TRAPPC10: variants seen among roughly 807,000 people sequenced by gnomAD.
TRAPPC10 encodes TRAPP 130 kDa subunit.
In TRAPPC10, 23 loss-of-function variants were observed where a neutral mutation model predicts 125.5. That is an observed-to-expected ratio of 0.18 (90% CI 0.13 to 0.26). The LOEUF (loss-of-function observed/expected upper bound fraction) is 0.26, where lower values mean the gene tolerates loss of function less well. Ranked by LOEUF, TRAPPC10 falls within the 10% of genes least tolerant of loss-of-function variation. The probability of loss-of-function intolerance (pLI) is 1.00; values close to 1 mark genes in which losing one functional copy is unlikely to be tolerated. For missense variants in TRAPPC10, 1,123 were observed against 1,308.4 expected, an observed-to-expected ratio of 0.86 and a Z score of 2.19; for synonymous variants, 509 against 518.0, an observed-to-expected ratio of 0.98 and a Z score of 0.24.
At chr21:44,056,888 C>T (rs1244331048) in intron 5 of TRAPPC10, among the ~76,000 whole-genome samples, 7 of 151,954 alleles carry the variant, frequency 4.6e-5, no homozygotes, top group Admixed American at 6.6e-5. Flanking sequence ...AATTGTACCA[C>T]GGTCATATAA....
chr21:44,040,108 T>C (rs1199719398), intron 3 of TRAPPC10, among the ~76,000 whole-genome samples: 1 of 152,212 alleles, frequency 6.6e-6, no homozygotes, highest in East Asian at 1.9e-4. Context: ...GTATGTATCA[T>C]AGTGTTTATT....
chr21:44,062,951 G>A, intron 6 of TRAPPC10: 1 of 1,294,386 alleles, frequency 7.7e-7, no homozygotes, highest in Non-Finnish European at 1.0e-6. Flanking sequence ...GAGTCTTAGG[G>A]ATGTAAGTAA....
chr21:44,061,839 A>G (rs2036081179), intron 6 of TRAPPC10, among the ~76,000 whole-genome samples: 2 of 152,348 alleles, frequency 1.3e-5, no homozygotes, highest in South Asian at 4.1e-4. Flanking sequence ...GACCAGGTTA[A>G]CAACCTTGAG....
At chr21:44,093,686 AGGT>A (rs2038737702) in intron 19 of TRAPPC10, among the ~76,000 whole-genome samples, 1 of 151,186 alleles carries the variant, frequency 6.6e-6, no homozygotes, top group Admixed American at 6.6e-5. Flanking sequence ...TGAACCCAGG[AGGT>A]GGAGGTTGCA....
intron 11 of TRAPPC10, among the ~76,000 whole-genome samples, chr21:44,079,233 A>C (rs1487732244): frequency 1.3e-5 from 2 of 152,072 alleles, no homozygotes; most frequent in Non-Finnish European, 2.9e-5. Flanking sequence ...CTTGCCTGTC[A>C]GCTTGAGATC....
chr21:44,068,403 G>C (rs544042244), intron 7 of TRAPPC10, among the ~76,000 whole-genome samples: 1 of 152,098 alleles, frequency 6.6e-6, no homozygotes, highest in East Asian at 1.9e-4. Flanking sequence ...GGCAGGCTTT[G>C]GGGGCAATGA....
chr21:44,055,655 G>A, intron 4 of TRAPPC10, 43 bp from the exon 5 acceptor site: 2 of 1,508,862 alleles, frequency 1.3e-6, no homozygotes, highest in East Asian at 4.6e-5. Context: ...GTGGTGCTGT[G>A]CATGGAGGGT....
At position 44,087,969 on chromosome 21, in the gene TRAPPC10, C is replaced by T. The variant is rs368967549; in HGVS notation, c.2769+41C>T. 4.1e-5 allele frequency: 63 copies of T among 1,529,308 alleles called. No homozygotes were observed. The highest frequency in any genetic ancestry group is 4.0e-4 in the African/African-American group (29 of 72,512). The allele number at this position is 1,529,308 out of a possible 1,614,324, so 94.7% of individuals were successfully genotyped here. A position where few individuals can be genotyped will look rare whatever the true frequency, so the allele number is the denominator to read the frequency against. On this transcript the variant is annotated intron_variant, in intron 17 of 22. Transcript: ENST00000291574. This position sits in a 1 kb window ranked among gnomAD's most constrained non-coding sequence, Gnocchi z 4.6. ...GGAGGAGCTTAGCTTGTGGGGCGTC[C>T]GCCGCCCGCCTGCCTGCTGGGAAAG...
At chr21:44,073,907 G>A (rs2037075384) in intron 7 of TRAPPC10, among the ~76,000 whole-genome samples, 1 of 151,964 alleles carries the variant, frequency 6.6e-6, no homozygotes, top group Non-Finnish European at 1.5e-5. Flanking sequence ...CTCCCCTCTT[G>A]ACACTAATCT....
At chr21:44,017,992 T>C (rs2032063098) in intron 1 of TRAPPC10, among the ~76,000 whole-genome samples, 1 of 152,176 alleles carries the variant, frequency 6.6e-6, no homozygotes, top group South Asian at 2.1e-4. Flanking sequence ...GTTAGTGTTA[T>C]TAGCCCAACT....
At chr21:44,083,882 A>C (rs566956511) in intron 14 of TRAPPC10, among the ~76,000 whole-genome samples, 1 of 152,370 alleles carries the variant, frequency 6.6e-6, no homozygotes, top group African/African-American at 2.4e-5. Context: ...AGATAAGTTG[A>C]AAATACCTTA....
chr21:44,079,681 A>G lies in TRAPPC10; in HGVS notation c.1587A>G (p.Gln529=). The G allele has an allele frequency of 3.1e-6, 5 of 1,607,652 alleles. No individual in the cohort carries two copies. Among genetic ancestry groups the G allele is most frequent in the Non-Finnish European group, 4.2e-6 (5 of 1,178,400 alleles). Residue 529 remains glutamine, a synonymous_variant, in exon 12 of 23, where the codon CAA becomes CAG. Transcript: ENST00000291574. ...CAAGGAAGCAGCTGGCCGAATGTCAAAAGCACCTTGGACAAATTGAAAAGT... is the reference window on the plus strand; with the variant it reads ...CAAGGAAGCAGCTGGCCGAATGTCAGAAGCACCTTGGACAAATTGAAAAGT... The part of the protein sequence containing the change: ...THTRKQLAEC[Q]KHLGQIENYL...
intron 17 of TRAPPC10, 178 bp from the exon 18 acceptor site, chr21:44,089,655 T>C (rs1422664727): frequency 2.6e-5 from 16 of 626,194 alleles, no homozygotes; most frequent in Non-Finnish European, 4.8e-5. Context: ...GCTTCCTGTT[T>C]CTCGTTGGTT....
In TRAPPC10 at chr21:44,094,139, G is replaced by A. The variant is rs2146223794; in HGVS notation, c.3074G>A (p.Cys1025Tyr). 1 of 1,614,160 alleles carries A rather than the reference G, an allele frequency of 6.2e-7. No homozygotes were observed. Among genetic ancestry groups the A allele is most frequent in the Non-Finnish European group, 8.5e-7 (1 of 1,180,008 alleles). The change falls in exon 20 of 23, where the codon TGC becomes TAC. Residue 1025 changes from cysteine to tyrosine, a missense_variant. By Grantham distance (194) the Cys-to-Tyr change is radical (BLOSUM62 -2). This residue lies in a region of TRAPPC10 where 840 missense variants were observed against 902.0 expected (regional missense o/e 0.93). Transcript: ENST00000291574. ...WTEEPPPSLH[C>Y]RFSVGFSPAS... ...GAAGAGCCTCCCCCTTCTCTGCATT[G>A]CCGGTTCTCTGTTGGATTTTCCCCA... is the stretch of plus-strand genomic sequence containing the variant.
chr21:44,012,521 C>T lies in TRAPPC10; in HGVS notation c.28C>T (p.Pro10Ser). MDASEEPLP[P>S]VIYTMENKPI... ...GGACGCCTCTGAGGAGCCGCTGCCGCCGGTGATCTACACCATGGAGAACAA... is the reference window on the plus strand; with the variant it reads ...GGACGCCTCTGAGGAGCCGCTGCCGTCGGTGATCTACACCATGGAGAACAA... Residue 10 changes from proline to serine, a missense_variant, in exon 1 of 23, where the codon CCG (proline) becomes TCG (serine). Around this residue, in one of 4 missense-constraint regions of TRAPPC10, gnomAD observed 177 missense variants for 228.9 expected, o/e 0.77. Transcript: ENST00000291574. 6.6e-7 allele frequency: 1 copy of T among 1,515,490 alleles called. No homozygotes were observed. 93.9% of individuals were successfully genotyped at this position (1,515,490 alleles called of 1,614,324 possible).
chr21:44,079,404 T>G lies in TRAPPC10; in HGVS notation c.1470-160T>G, dbSNP rs546472310. The G allele has an allele frequency of 2.7e-5, 19 of 694,160 alleles. No individual in the cohort carries two copies. In the South Asian group the frequency reaches 4.4e-4, roughly 16 times the overall value. 43.0% of individuals were successfully genotyped at this position (694,160 alleles called of 1,614,324 possible). On this transcript the variant is annotated intron_variant, in intron 11 of 22. Transcript: ENST00000291574. Reference sequence around the variant, plus strand: ...ATTATGTCGTCCTGAGTAGGTACTCTTTCTCACGGAGTGGGGTGGGTGGAA... The same window carrying G: ...ATTATGTCGTCCTGAGTAGGTACTCGTTCTCACGGAGTGGGGTGGGTGGAA...
At chr21:44,068,818 T>C (rs2036645084) in intron 7 of TRAPPC10, among the ~76,000 whole-genome samples, 1 of 152,058 alleles carries the variant, frequency 6.6e-6, no homozygotes, top group Non-Finnish European at 1.5e-5. Flanking sequence ...CCCAGGCTGG[T>C]CTTGAACTCC....
rs769989912 is a variant in TRAPPC10, at chr21:44,063,763, T to A, written c.1016T>A (p.Val339Glu). 2.5e-6 allele frequency: 4 copies of A among 1,613,820 alleles called. No homozygotes were observed. Among genetic ancestry groups the A allele is most frequent in the Non-Finnish European group, 3.4e-6 (4 of 1,179,958 alleles). The change falls in exon 7 of 23, where the codon GTG (valine) becomes GAG (glutamate). Residue 339 changes from valine (V) to glutamate (E), a missense_variant. By Grantham distance (121) the Val-to-Glu change is moderately radical. Around this residue, in one of 4 missense-constraint regions of TRAPPC10, gnomAD observed 840 missense variants for 902.0 expected, o/e 0.93. Coordinates refer to ENST00000291574, the MANE Select transcript of TRAPPC10 (RefSeq NM_003274.5). The surrounding 1 kb of genome is among the most constrained non-coding windows in gnomAD (Gnocchi z 4.4). ...QRALELLHNC[V>E]QELKLLEVSV... ...GCCCTAGAGCTGCTGCACAACTGCGTGCAGGAACTGAAGCTCTTAGAAGTG... is the reference window on the plus strand; with the variant it reads ...GCCCTAGAGCTGCTGCACAACTGCGAGCAGGAACTGAAGCTCTTAGAAGTG...
chr21:44,081,601 A>G (rs1470197558), intron 13 of TRAPPC10, among the ~76,000 whole-genome samples: 1 of 152,164 alleles, frequency 6.6e-6, no homozygotes, highest in Non-Finnish European at 1.5e-5. Context: ...GTCAATAACC[A>G]CATCAACCTG....
Sources: allele counts gnomAD v4.1 joint callset (sites outside exome capture counted in the v4.1 genomes callset), GRCh38; gene constraint gnomAD v4.1.1; regional missense constraint gnomAD v4.1.1; non-coding constraint Gnocchi (gnomAD v3.1); transcripts MANE v1.5; gene names NCBI Gene and HGNC (gene_info 2026-07-23, HGNC 2026-07-21).